The following GRID1 variants were observed in gnomAD, a reference collection of about 807,000 sequenced individuals.
GRID1 encodes the protein glutamate receptor ionotropic, delta-1.
In GRID1, 28 loss-of-function variants were observed where a neutral mutation model predicts 98.0. The observed-to-expected ratio is 0.29, with a 90% CI of 0.21 to 0.39. The LOEUF (loss-of-function observed/expected upper bound fraction) is 0.39, where lower values mean the gene tolerates loss of function less well. Among genes scored for constraint, GRID1 ranks in the 10% least tolerant of loss-of-function variants. The pLI is 1.00. For missense variants in GRID1, 1,111 were observed against 1,340.5 expected (o/e 0.83, Z 2.67); for synonymous variants, 553 against 538.5 (o/e 1.03, Z -0.37).
chr10:86,362,903 T>C (rs1848619367), intron 2 of GRID1, among the ~76,000 whole-genome samples: 1 of 152,242 alleles, frequency 6.6e-6, no homozygotes, highest in Non-Finnish European at 1.5e-5. Flanking sequence ...TCTACACTTC[T>C]CTACCAGTTC....
chr10:85,900,294 C>A (rs913008803), intron 5 of GRID1, among the ~76,000 whole-genome samples: 1 of 152,148 alleles, frequency 6.6e-6, no homozygotes, highest in Non-Finnish European at 1.5e-5. Context: ...TAATGATTAT[C>A]CAGACTGGCG....
chr10:85,639,578 G>T (rs1018777169), intron 13 of GRID1, among the ~76,000 whole-genome samples: 1 of 152,146 alleles, frequency 6.6e-6, no homozygotes, highest in African/African-American at 2.4e-5. Flanking sequence ...AAAGGCTGTT[G>T]CCTTTTTAAA....
Position 86,363,025 on chromosome 10 carries a change from A to C in GRID1, c.235+916T>G, listed in dbSNP as rs536002831. 2.0e-5 allele frequency among the ~76,000 whole-genome samples: 3 copies of C among 152,382 alleles called. No individual in the cohort carries two copies. In the East Asian group the frequency reaches 5.8e-4, roughly 29 times the overall value. Reference sequence around the variant, plus strand: ...AGCAAGGCAGAGGGAAGGAGAAGGGACTTAAGCCGGGTAAGTGTCAGAGGC... The same window carrying C: ...AGCAAGGCAGAGGGAAGGAGAAGGGCCTTAAGCCGGGTAAGTGTCAGAGGC... On this transcript the variant is annotated intron_variant, in intron 2 of 15. Coordinates refer to ENST00000327946, the MANE Select transcript of GRID1 (RefSeq NM_017551.3).
At chr10:85,639,136 A>G (rs1314815528) in intron 13 of GRID1, among the ~76,000 whole-genome samples, 9 of 152,192 alleles carry the variant, frequency 5.9e-5, no homozygotes, top group Admixed American at 5.2e-4. Flanking sequence ...ATATTGTCAT[A>G]TTTATGGTAG....
At chr10:86,171,172 T>C (rs956348242) in intron 3 of GRID1, among the ~76,000 whole-genome samples, 2 of 152,210 alleles carry the variant, frequency 1.3e-5, no homozygotes, top group Non-Finnish European at 2.9e-5. Context: ...GCAGCCACTA[T>C]GAAAAGCATG....
At chr10:85,840,392 C>T (rs562875252) in intron 8 of GRID1, among the ~76,000 whole-genome samples, 13 of 152,218 alleles carry the variant, frequency 8.5e-5, no homozygotes, top group East Asian at 7.7e-4. Flanking sequence ...ACTGAATAGG[C>T]AAAGGCTGGA....
intron 2 of GRID1, among the ~76,000 whole-genome samples, chr10:86,351,891 G>A (rs980103834): frequency 2.6e-5 from 4 of 152,206 alleles, no homozygotes; most frequent in Admixed American, 6.5e-5. Flanking sequence ...ATTTGTTCCC[G>A]AAGTCAGCCC....
At chr10:85,862,540 A>G (rs1203235749) in intron 6 of GRID1, among the ~76,000 whole-genome samples, 1 of 152,102 alleles carries the variant, frequency 6.6e-6, no homozygotes, top group Admixed American at 6.6e-5. Context: ...TCAGTTGCCC[A>G]TGCAGGAGGT....
At chr10:85,607,564 G>A (rs1259244520) in intron 15 of GRID1, among the ~76,000 whole-genome samples, 2 of 152,152 alleles carry the variant, frequency 1.3e-5, no homozygotes, top group African/African-American at 4.8e-5. Context: ...GAGATGGTGG[G>A]CAGTTTTTCA....
intron 13 of GRID1, among the ~76,000 whole-genome samples, chr10:85,631,023 C>T (rs987875155): frequency 1.3e-5 from 2 of 152,298 alleles, no homozygotes; most frequent in East Asian, 3.9e-4. Context: ...AAAGGAAAGT[C>T]ACACTGAATA....
chr10:86,287,572 G>A (rs1847450079), intron 2 of GRID1, among the ~76,000 whole-genome samples: 1 of 152,154 alleles, frequency 6.6e-6, no homozygotes, highest in Non-Finnish European at 1.5e-5. Flanking sequence ...TGCCACGTTG[G>A]GTCCTTACTT....
At chr10:86,046,167 GA>G (rs770336803) in intron 4 of GRID1, among the ~76,000 whole-genome samples, 4 of 152,184 alleles carry the variant, frequency 2.6e-5, no homozygotes, top group Non-Finnish European at 4.4e-5. Context: ...GCAATGACCT[GA>G]AGACCCAGAA....
At chr10:85,629,725 T>C (rs1842954715) in intron 13 of GRID1, among the ~76,000 whole-genome samples, 1 of 152,220 alleles carries the variant, frequency 6.6e-6, no homozygotes, top group South Asian at 2.1e-4. Flanking sequence ...TTTCTTTGAA[T>C]AGATACCCAG....
chr10:85,616,026 A>G (rs1252112711), intron 14 of GRID1, among the ~76,000 whole-genome samples: 2 of 152,208 alleles, frequency 1.3e-5, no homozygotes, highest in Non-Finnish European at 2.9e-5. Flanking sequence ...CTCACAGGAT[A>G]TTGCGACAAA....
intron 8 of GRID1, among the ~76,000 whole-genome samples, chr10:85,851,726 T>C (rs2131778617): frequency 6.6e-6 from 1 of 152,250 alleles, no homozygotes; most frequent in South Asian, 2.1e-4. Flanking sequence ...CATCACAGGA[T>C]CTAGGAGTCT....
At chr10:86,355,516 C>G (rs2132119756) in intron 2 of GRID1, among the ~76,000 whole-genome samples, 1 of 152,326 alleles carries the variant, frequency 6.6e-6, no homozygotes, top group Admixed American at 6.5e-5. Flanking sequence ...AGTCCCCCAG[C>G]TAACACCCCC....
At chr10:86,135,477 C>T (rs989487450) in intron 4 of GRID1, among the ~76,000 whole-genome samples, 11 of 151,796 alleles carry the variant, frequency 7.2e-5, no homozygotes, top group Non-Finnish European at 1.2e-4. Context: ...CCCCATCCTC[C>T]CTGAGGGGAG....
In GRID1 at chr10:86,087,346, T is replaced by C. The variant is rs1468615551; in HGVS notation, c.726+51473A>G. Among the ~76,000 whole-genome samples, 6 of 121,306 alleles carry C rather than the reference T, an allele frequency of 4.9e-5. No individual in the cohort carries two copies. The East Asian group carries it at 1.5e-3, about 29-fold the overall frequency. The allele number at this position is 121,306 out of a possible 152,430, so 79.6% of individuals were successfully genotyped here. On this transcript the variant is annotated intron_variant, in intron 4 of 15. Coordinates refer to ENST00000327946, the MANE Select transcript of GRID1 (RefSeq NM_017551.3). ...ACATGTGGGTTTGAGTGTGTTTGTG[T>C]GTGTGTGTGTGTGTGTGTGTGTTGT...
At chr10:85,776,108 G>T (rs1353537755) in intron 8 of GRID1, among the ~76,000 whole-genome samples, 2 of 152,072 alleles carry the variant, frequency 1.3e-5, no homozygotes, top group Non-Finnish European at 2.9e-5. Context: ...TTGGGTTTGT[G>T]TCCCAACCTA....
Sources: allele counts gnomAD v4.1 joint callset (sites outside exome capture counted in the v4.1 genomes callset), GRCh38; gene constraint gnomAD v4.1.1; transcripts MANE v1.5; gene names NCBI Gene and HGNC (gene_info 2026-07-23, HGNC 2026-07-21).